The following PKHD1 variants were observed in gnomAD, a reference collection of about 807,000 sequenced individuals.
PKHD1 encodes the protein PKHD1 ciliary IPT domain containing fibrocystin/polyductin.
Under a neutral mutation model 412.0 loss-of-function variants are expected in PKHD1, and 291 were observed. That is an observed-to-expected ratio of 0.71 (90% CI 0.64 to 0.78). The LOEUF (loss-of-function observed/expected upper bound fraction) is 0.78. Ranked by LOEUF, PKHD1 falls within the 30% of genes least tolerant of loss-of-function variation. PKHD1 has a pLI of 0.00. For missense variants in PKHD1, 4,825 were observed against 4,950.7 expected (o/e 0.97, Z 0.76); for synonymous variants, 1,777 against 1,821.5 (o/e 0.98, Z 0.62).
At chr6:51,909,537 C>T in intron 39 of PKHD1, 63 bp from the exon 40 acceptor site, 2 of 1,298,774 alleles carry the variant, frequency 1.5e-6, no homozygotes, top group Non-Finnish European at 2.2e-6. Flanking sequence ...AGACAAATCT[C>T]CCAGTTTGAA....
At chr6:51,623,177 A>T (rs1010634027) in intron 66 of PKHD1, among the ~76,000 whole-genome samples, 2 of 152,190 alleles carry the variant, frequency 1.3e-5, no homozygotes, top group Admixed American at 6.5e-5. Context: ...GCAAAGAATG[A>T]TTGGAATTGC....
intron 54 of PKHD1, among the ~76,000 whole-genome samples, chr6:51,773,732 A>G (rs1370860069): frequency 1.3e-5 from 2 of 151,668 alleles, no homozygotes; most frequent in Non-Finnish European, 3.0e-5. Flanking sequence ...ATAGAAATAA[A>G]AGAAGCAGGA....
At chr6:51,737,733 TG>T (rs1784036539) in intron 60 of PKHD1, among the ~76,000 whole-genome samples, 2 of 151,648 alleles carry the variant, frequency 1.3e-5, no homozygotes, top group African/African-American at 4.9e-5. Context: ...TGTGAGTGTG[TG>T]TGTGTGTGTG....
intron 35 of PKHD1, chr6:51,975,938 A>G (rs1037253494): frequency 6.9e-6 from 1 of 145,418 alleles, no homozygotes; most frequent in African/African-American, 2.5e-5. Flanking sequence ...CAGCCGGGAT[A>G]ACATAGCGAG....
At chr6:51,915,652 C>T (rs1169998437) in intron 37 of PKHD1, among the ~76,000 whole-genome samples, 2 of 151,936 alleles carry the variant, frequency 1.3e-5, no homozygotes, top group Admixed American at 6.6e-5. Context: ...TACACTCCCA[C>T]ATCTTGGGGT....
At chr6:51,817,707 C>A (rs1400029007) in intron 52 of PKHD1, among the ~76,000 whole-genome samples, 1 of 152,194 alleles carries the variant, frequency 6.6e-6, no homozygotes, top group Non-Finnish European at 1.5e-5. Flanking sequence ...CACTCGCTCA[C>A]TCCTCTAACA....
chr6:51,720,454 C>T (rs548611455), intron 60 of PKHD1, among the ~76,000 whole-genome samples: 1 of 152,270 alleles, frequency 6.6e-6, no homozygotes, highest in South Asian at 2.1e-4. Flanking sequence ...TGCCCAGGCT[C>T]TTTCTTACTT....
intron 35 of PKHD1, among the ~76,000 whole-genome samples, chr6:51,973,089 C>A (rs1793909076): frequency 6.6e-6 from 1 of 152,054 alleles, no homozygotes; most frequent in African/African-American, 2.4e-5. Context: ...TTAAATACCC[C>A]AGTGATTAAA....
chr6:51,764,842 C>T (rs1024816406), intron 55 of PKHD1, among the ~76,000 whole-genome samples: 3 of 152,144 alleles, frequency 2.0e-5, no homozygotes, highest in African/African-American at 4.8e-5. Context: ...CACAGAATCA[C>T]GTCTCCACCC....
At chr6:51,742,077 C>A (rs1784624005) in intron 60 of PKHD1, among the ~76,000 whole-genome samples, 1 of 152,192 alleles carries the variant, frequency 6.6e-6, no homozygotes, top group Non-Finnish European at 1.5e-5. Context: ...TTGAGTAGAT[C>A]TAGGGGTAAA....
At chr6:51,764,434 G>C (rs1454660536) in intron 55 of PKHD1, among the ~76,000 whole-genome samples, 2 of 145,832 alleles carry the variant, frequency 1.4e-5, no homozygotes, top group African/African-American at 2.5e-5. Context: ...GAGAGGATGT[G>C]GAGAAATAGG....
At chr6:51,901,441 A>G (rs1422169867) in intron 43 of PKHD1, among the ~76,000 whole-genome samples, 3 of 151,876 alleles carry the variant, frequency 2.0e-5, no homozygotes, top group Non-Finnish European at 4.4e-5. Context: ...AACACCGCAT[A>G]TTCTCACTCA....
At chr6:52,052,053 C>T (rs927818127) in intron 21 of PKHD1, among the ~76,000 whole-genome samples, 1 of 152,174 alleles carries the variant, frequency 6.6e-6, no homozygotes, top group Non-Finnish European at 1.5e-5. Context: ...TGCCACCCAT[C>T]CCCAAGTTCC....
In PKHD1 at chr6:51,619,301, C is replaced by G; in HGVS notation, c.12005G>C (p.Gly4002Ala). The change falls in exon 67 of 67, where the codon GGC becomes GCC. Residue 4002 changes from glycine to alanine, a missense_variant. Gly to Ala is a moderately conservative substitution (Grantham distance 60). Coordinates refer to ENST00000371117, the MANE Select transcript of PKHD1 (RefSeq NM_138694.4). ...YLQETGNWKEGQEQLLRYQLA... is the reference protein window; with the variant it reads ...YLQETGNWKEAQEQLLRYQLA... ...CTGGTATCTGAGCAACTGCTCTTGG[C>G]CCTCCTTCCAGTTCCCAGTCTCTTG... The G allele has an allele frequency of 6.2e-7, 1 of 1,614,244 alleles. No homozygotes were observed. Among genetic ancestry groups the G allele is most frequent in the Non-Finnish European group, 8.5e-7 (1 of 1,180,034 alleles).
chr6:51,818,779 C>T (rs1386842912), intron 52 of PKHD1, among the ~76,000 whole-genome samples: 4 of 152,076 alleles, frequency 2.6e-5, no homozygotes, highest in Non-Finnish European at 5.9e-5. Context: ...ATCCTTTCTC[C>T]TTTCTGCTGC....
chr6:51,645,134 A>G (rs1277371714), intron 63 of PKHD1, among the ~76,000 whole-genome samples: 6 of 152,206 alleles, frequency 3.9e-5, no homozygotes, highest in African/African-American at 7.2e-5. Context: ...GTTACTGGCT[A>G]ATCTCAAAGA....
rs1812294982 is a variant in PKHD1, at chr6:52,083,218, A to G, written c.90T>C (p.Gly30=). ...TGATCCACGTTCCCCCTGCAAGGCT[A>G]CCTTCTTCAGGTTCAATATGTAAAC... is the stretch of plus-strand genomic sequence containing the variant. ...HLSLHIEPEE[G]SLAGGTWITV... Residue 30 remains glycine, a synonymous_variant, in exon 3 of 67, where the codon GGT becomes GGC. Transcript: ENST00000371117. 6.2e-7 allele frequency: 1 copy of G among 1,612,550 alleles called. No homozygotes were observed. The highest frequency in any genetic ancestry group is 1.3e-5 in the African/African-American group (1 of 75,026).
chr6:52,052,615 C>T (rs1188488588), intron 21 of PKHD1, among the ~76,000 whole-genome samples: 1 of 152,112 alleles, frequency 6.6e-6, no homozygotes, highest in African/African-American at 2.4e-5. Context: ...GACATATTAA[C>T]TCATGGAAAG....
At chr6:51,959,769 A>C in intron 36 of PKHD1, 101 bp downstream of exon 36, 1 of 1,090,296 alleles carries the variant, frequency 9.2e-7, no homozygotes, top group South Asian at 1.3e-5. Context: ...TAAATTGTCA[A>C]CTAAGTTCTG....
Sources: allele counts gnomAD v4.1 joint callset (sites outside exome capture counted in the v4.1 genomes callset), GRCh38; gene constraint gnomAD v4.1.1; transcripts MANE v1.5; gene names NCBI Gene and HGNC (gene_info 2026-07-23, HGNC 2026-07-21).